PCDHGA1: variants seen among roughly 807,000 people sequenced by gnomAD.
The protein encoded by PCDHGA1 is protocadherin gamma-A1.
In PCDHGA1, 32 loss-of-function variants were observed where a neutral mutation model predicts 58.0. That is an observed-to-expected ratio of 0.55 (90% confidence interval 0.42 to 0.74). The LOEUF is 0.74. Ranked by LOEUF, PCDHGA1 falls within the 30% of genes least tolerant of loss-of-function variation. PCDHGA1 has a pLI of 0.00. For synonymous variants in PCDHGA1, 498 were observed against 501.1 expected (o/e 0.99, Z 0.08); for missense variants, 1,205 against 1,182.3 (o/e 1.02, Z -0.28).
In PCDHGA1 at chr5:141,392,739, A is replaced by G. The variant is rs1024855569; in HGVS notation, c.2421+59634A>G. On this transcript the variant is annotated intron_variant, in intron 1 of 3. Transcript: ENST00000517417. ...GTTTCCGGAGGATTGTCATCTCCAT[A>G]GCTGCGGCAAGAAACTAAATAAGAC... The G allele has an allele frequency of 2.1e-5, 30 of 1,432,662 alleles. No individual in the cohort carries two copies. The African/African-American group carries it at 4.2e-4, about 20-fold the overall frequency. 88.7% of individuals were successfully genotyped at this position (1,432,662 alleles called of 1,614,324 possible).
intron 1 of PCDHGA1, chr5:141,478,523 G>T (rs2099461821): frequency 6.2e-7 from 1 of 1,609,908 alleles, no homozygotes; most frequent in Non-Finnish European, 8.5e-7. Context: ...GGTGTTGGGT[G>T]CAGAGAGCGC....
At chr5:141,385,152 G>C in intron 1 of PCDHGA1, 1 of 1,614,210 alleles carries the variant, frequency 6.2e-7, no homozygotes, top group Non-Finnish European at 8.5e-7. Flanking sequence ...CTTTCCTGCA[G>C]ACCTATTCCC....
chr5:141,385,052 G>A (rs559398944), intron 1 of PCDHGA1: 3 of 1,614,152 alleles, frequency 1.9e-6, no homozygotes, highest in Non-Finnish European at 8.5e-7. Context: ...AGGCTGCGGC[G>A]CTGGCACAAG....
At position 141,423,386 on chromosome 5, in the gene PCDHGA1, G is replaced by C; in HGVS notation, c.2422-71421G>C. ...CTGCTGGCACTCAGGCTGTGGCGCT[G>C]GCATAAGTCACGCCTGCTGCAGGCT... On this transcript the variant is annotated intron_variant, in intron 1 of 3. Transcript: ENST00000517417. The C allele has an allele frequency of 1.9e-6, 3 of 1,614,160 alleles. No homozygotes were observed. The South Asian group carries it at 3.3e-5, about 18-fold the overall frequency.
chr5:141,339,941 G>T, intron 1 of PCDHGA1: 1 of 1,614,142 alleles, frequency 6.2e-7, no homozygotes, highest in Non-Finnish European at 8.5e-7. Flanking sequence ...AGCTCAGGAT[G>T]GTCCGGGCCT....
At chr5:141,348,295 C>T (rs1211454318) in intron 1 of PCDHGA1, among the ~76,000 whole-genome samples, 1 of 152,132 alleles carries the variant, frequency 6.6e-6, no homozygotes, top group Non-Finnish European at 1.5e-5. Flanking sequence ...TGTATTCTCA[C>T]TGAAACATGG....
intron 2 of PCDHGA1, among the ~76,000 whole-genome samples, chr5:141,496,748 C>T (rs1382244657): frequency 6.6e-6 from 1 of 152,130 alleles, no homozygotes; most frequent in African/African-American, 2.4e-5. Flanking sequence ...ATTTATTCAA[C>T]AAATATTTAT....
chr5:141,339,563 C>G (rs992259833), intron 1 of PCDHGA1: 2 of 1,614,022 alleles, frequency 1.2e-6, no homozygotes, highest in African/African-American at 1.3e-5. Context: ...GGTGCTGGAG[C>G]GCTCTCTGGA....
chr5:141,489,293 T>G lies in PCDHGA1; in HGVS notation c.2422-5514T>G. The G allele has an allele frequency of 6.3e-7, 1 of 1,579,940 alleles. No homozygotes were observed. Among genetic ancestry groups the G allele is most frequent in the Non-Finnish European group, 8.6e-7 (1 of 1,162,928 alleles). ...GCTGGGAAATGGCAAGTGCTGTGCA[T>G]GTTGTCCTTGTGCTGCTGGGGCTGG... On this transcript the variant is annotated intron_variant, in intron 1 of 3. Transcript: ENST00000517417. This position sits in a 1 kb window ranked among gnomAD's most constrained non-coding sequence, Gnocchi z 4.5.
Position 141,476,472 on chromosome 5 carries a change from T to C in PCDHGA1, c.2422-18335T>C. On this transcript the variant is annotated intron_variant, in intron 1 of 3. Coordinates refer to ENST00000517417, the MANE Select transcript of PCDHGA1 (RefSeq NM_018912.3). The surrounding 1 kb of genome is among the most constrained non-coding windows in gnomAD (Gnocchi z 7.6). The stretch of plus-strand genomic sequence containing the variant: ...GTAGTGGAGAACCCGCTGGAGCTGT[T>C]CAGCGTGGAAGTGGTGATCCAGGAC... 1 of 1,614,098 alleles carries C rather than the reference T, an allele frequency of 6.2e-7. No homozygotes were observed. The highest frequency in any genetic ancestry group is 8.5e-7 in the Non-Finnish European group (1 of 1,180,024).
chr5:141,473,479 G>GA (rs150184379), intron 1 of PCDHGA1, among the ~76,000 whole-genome samples: 6,877 of 152,218 alleles, frequency 0.045, 184 homozygotes, highest in Middle Eastern at 0.088. Flanking sequence ...AAGTTCAATG[G>GA]AAAAAATATA....
intron 1 of PCDHGA1, chr5:141,478,308 T>A: frequency 6.2e-7 from 1 of 1,614,050 alleles, no homozygotes; most frequent in Non-Finnish European, 8.5e-7. Context: ...CGAGCCCCGG[T>A]GAGCTCACTG....
At chr5:141,506,172 TG>T (rs2099850913) in intron 3 of PCDHGA1, among the ~76,000 whole-genome samples, 1 of 152,128 alleles carries the variant, frequency 6.6e-6, no homozygotes, top group South Asian at 2.1e-4. Flanking sequence ...CAGCCTAAGC[TG>T]GGCGTGGTGG....
intron 1 of PCDHGA1, chr5:141,413,577 T>C (rs752007520): frequency 2.5e-6 from 4 of 1,613,836 alleles, no homozygotes; most frequent in Non-Finnish European, 3.4e-6. Context: ...ATGACAATGC[T>C]CCAAAATTCC....
Position 141,476,187 on chromosome 5 carries a change from G to A in PCDHGA1, c.2422-18620G>A. 6.2e-7 allele frequency: 1 copy of A among 1,613,782 alleles called. No individual in the cohort carries two copies. The highest frequency in any genetic ancestry group is 1.1e-5 in the South Asian group (1 of 91,072). ...GTAGTGGGAGTTTTGCTTCTGCTTG[G>A]TGCCTTGAACAAGGCTTCCACGGTC... On this transcript the variant is annotated intron_variant, in intron 1 of 3. Coordinates refer to ENST00000517417, the MANE Select transcript of PCDHGA1 (RefSeq NM_018912.3). This position sits in a 1 kb window ranked among gnomAD's most constrained non-coding sequence, Gnocchi z 7.6.
At chr5:141,383,729 TGA>T (rs1406908014) in intron 1 of PCDHGA1, 3 of 1,613,866 alleles carry the variant, frequency 1.9e-6, no homozygotes, top group Non-Finnish European at 2.5e-6. Flanking sequence ...AATGGGGAAG[TGA>T]CATATTCTTT....
chr5:141,422,330 C>A, intron 1 of PCDHGA1: 1 of 1,548,166 alleles, frequency 6.5e-7, no homozygotes. Flanking sequence ...ACAGTGATTG[C>A]TCTTCTAAAT....
rs773048793 is a variant in PCDHGA1, at chr5:141,505,456, A to T, written c.2544A>T (p.Gln848His). The T allele has an allele frequency of 1.3e-5, 21 of 1,614,110 alleles. No homozygotes were observed. The highest frequency in any genetic ancestry group is 1.7e-5 in the Non-Finnish European group (20 of 1,180,044). The change falls in exon 3 of 4, where the codon CAA becomes CAT. Residue 848 changes from glutamine (Q) to histidine (H), a missense_variant. By Grantham distance (24) the Gln-to-His change is conservative (BLOSUM62 0). Coordinates refer to ENST00000517417, the MANE Select transcript of PCDHGA1 (RefSeq NM_018912.3). ...ACCAGTTTGACACAGAGATGCTGCA[A>T]GCCATGATCTTGGCGTCCGCCAGTG... ...PNNQFDTEML[Q>H]AMILASASEA...
At chr5:141,346,173 C>T in intron 1 of PCDHGA1, 2 of 1,614,048 alleles carry the variant, frequency 1.2e-6, no homozygotes, top group Non-Finnish European at 1.7e-6. Flanking sequence ...GCTGCTGGCG[C>T]TCAGGCTGCG....
Sources: gnomAD v4.1 joint callset for allele counts (sites outside exome capture counted in the v4.1 genomes callset) on GRCh38, gnomAD v4.1.1 for gene constraint, Gnocchi (gnomAD v3.1) non-coding constraint, MANE v1.5 for transcripts, NCBI Gene and HGNC (gene_info 2026-07-23, HGNC 2026-07-21) for gene names.